Variants in LHFPL3 observed in about 807,000 individuals in gnomAD.
The protein encoded by LHFPL3 is LHFPL tetraspan subfamily member 3 protein.
A neutral mutation model predicts 19.3 loss-of-function variants in LHFPL3; 5 were observed. That is an observed-to-expected ratio of 0.26 (90% CI 0.14 to 0.54). LHFPL3 has a LOEUF of 0.54. LHFPL3 is among the 20% of genes least tolerant of loss of function. The pLI, the probability that LHFPL3 is intolerant of heterozygous loss-of-function variation, is 0.94. For synonymous variants in LHFPL3, 133 were observed against 126.2 expected, an observed-to-expected ratio of 1.05 and a Z score of -0.36; for missense variants, 249 against 307.4, an observed-to-expected ratio of 0.81 and a Z score of 1.42.
intron 1 of LHFPL3, among the ~76,000 whole-genome samples, chr7:104,733,627 A>G (rs540902749): frequency 1.1e-4 from 16 of 152,266 alleles, no homozygotes; most frequent in Admixed American, 2.0e-4. Flanking sequence ...TCTGCACATG[A>G]GATGGGTTTC....
At chr7:104,735,095 G>T (rs1453307469) in intron 1 of LHFPL3, among the ~76,000 whole-genome samples, 1 of 152,200 alleles carries the variant, frequency 6.6e-6, no homozygotes, top group African/African-American at 2.4e-5. Context: ...TCTCAGAGGG[G>T]TACCCCGCCA....
At chr7:104,507,261 T>A (rs796714818) in intron 1 of LHFPL3, among the ~76,000 whole-genome samples, 4 of 148,772 alleles carry the variant, frequency 2.7e-5, no homozygotes, top group African/African-American at 1.0e-4. Flanking sequence ...AAAACAGAGA[T>A]ATAGATCAAT....
intron 1 of LHFPL3, among the ~76,000 whole-genome samples, chr7:104,653,173 G>T (rs1401254985): frequency 6.6e-6 from 1 of 152,180 alleles, no homozygotes; most frequent in Non-Finnish European, 1.5e-5. Context: ...TGCAGTTGGG[G>T]TACATGAAAT....
chr7:104,748,913 G>A lies in LHFPL3; in HGVS notation c.682+12002G>A, dbSNP rs553912941. Among the ~76,000 whole-genome samples, 88 of 152,264 alleles carry A rather than the reference G, an allele frequency of 5.8e-4. 1 individual carries two copies. The highest frequency in any genetic ancestry group is 1.9e-3 in the African/African-American group (78 of 41,546). The stretch of plus-strand genomic sequence containing the variant: ...ATCTGGCGCCCAACGTGGGGCTAAG[G>A]GATCTATTCTATTTATTTGCGCTGA... On this transcript the variant is annotated intron_variant, in intron 2 of 2. Transcript: ENST00000424859.
chr7:104,754,422 T>C (rs974147263), intron 2 of LHFPL3, among the ~76,000 whole-genome samples: 2 of 152,014 alleles, frequency 1.3e-5, no homozygotes, highest in Non-Finnish European at 2.9e-5. Flanking sequence ...GACAGTGTGG[T>C]ATAGGGGGAA....
intron 1 of LHFPL3, among the ~76,000 whole-genome samples, chr7:104,406,236 TTGTC>T (rs1403576426): frequency 6.6e-6 from 1 of 152,192 alleles, no homozygotes; most frequent in Non-Finnish European, 1.5e-5. Flanking sequence ...ACATTCCTGT[TTGTC>T]TGGAGAACAC....
chr7:104,666,046 TA>T (rs1347287497), intron 1 of LHFPL3, among the ~76,000 whole-genome samples: 2 of 152,342 alleles, frequency 1.3e-5, no homozygotes, highest in Middle Eastern at 3.4e-3. Flanking sequence ...AAATATTTAT[TA>T]ATACATAATA....
At chr7:104,449,810 C>G (rs916416884) in intron 1 of LHFPL3, among the ~76,000 whole-genome samples, 1 of 152,152 alleles carries the variant, frequency 6.6e-6, no homozygotes, top group African/African-American at 2.4e-5. Context: ...TTCTCTCCAG[C>G]TTGTGTCTCT....
At chr7:104,535,025 A>G in intron 1 of LHFPL3, among the ~76,000 whole-genome samples, 1 of 152,190 alleles carries the variant, frequency 6.6e-6, no homozygotes, top group East Asian at 1.9e-4. Flanking sequence ...TGGATTTGCC[A>G]AGAAGCTGTA....
rs199962832 is a variant in LHFPL3 at position 104,452,969 on chromosome 7, C to G, written c.445+123745C>G. Among the ~76,000 whole-genome samples the G allele has an allele frequency of 2.6e-5, 4 of 152,086 alleles. No individual in the cohort carries two copies. The East Asian group carries it at 7.7e-4, about 29-fold the overall frequency. Reference sequence around the variant, plus strand: ...CCTTACTTTGAGTAAATAAGCTGATCCCAGTCATGTAAAAGTCACACAAAT... The same window carrying G: ...CCTTACTTTGAGTAAATAAGCTGATGCCAGTCATGTAAAAGTCACACAAAT... On this transcript the variant is annotated intron_variant, in intron 1 of 2. Transcript: ENST00000424859.
intron 1 of LHFPL3, among the ~76,000 whole-genome samples, chr7:104,427,572 T>A (rs768838699): frequency 6.6e-6 from 1 of 152,222 alleles, no homozygotes; most frequent in Non-Finnish European, 1.5e-5. Flanking sequence ...ATTTAAAAGA[T>A]GCAAACCACA....
At chr7:104,604,475 T>C (rs1403323835) in intron 1 of LHFPL3, among the ~76,000 whole-genome samples, 1 of 152,238 alleles carries the variant, frequency 6.6e-6, no homozygotes, top group East Asian at 1.9e-4. Flanking sequence ...GGCTCCCTTC[T>C]GCTCATCTCC....
chr7:104,782,941 C>T (rs1789841784), intron 2 of LHFPL3, among the ~76,000 whole-genome samples: 1 of 152,252 alleles, frequency 6.6e-6, no homozygotes, highest in Non-Finnish European at 1.5e-5. Context: ...CACAAGTGCG[C>T]ACGCGCGCAC....
chr7:104,476,107 T>C (rs1369188196), intron 1 of LHFPL3, among the ~76,000 whole-genome samples: 1 of 152,218 alleles, frequency 6.6e-6, no homozygotes, highest in Non-Finnish European at 1.5e-5. Flanking sequence ...GAAGCATTTG[T>C]TCATTGACAG....
intron 1 of LHFPL3, among the ~76,000 whole-genome samples, chr7:104,588,558 C>T (rs1041753873): frequency 6.6e-6 from 1 of 152,130 alleles, no homozygotes; most frequent in South Asian, 2.1e-4. Context: ...CATGATGCCT[C>T]CAGTTTTGTT....
chr7:104,851,958 C>T (rs552816978), intron 2 of LHFPL3, among the ~76,000 whole-genome samples: 3 of 152,156 alleles, frequency 2.0e-5, no homozygotes, highest in East Asian at 3.9e-4. Context: ...CCTTCCTCCT[C>T]CCTTCTGTCT....
At chr7:104,395,477 A>G (rs1398629901) in intron 1 of LHFPL3, among the ~76,000 whole-genome samples, 1 of 152,226 alleles carries the variant, frequency 6.6e-6, no homozygotes, top group Non-Finnish European at 1.5e-5. Flanking sequence ...TGAAATTGGC[A>G]GCCAGTTTCT....
intron 1 of LHFPL3, among the ~76,000 whole-genome samples, chr7:104,389,627 A>G (rs1197890546): frequency 1.3e-5 from 2 of 152,212 alleles, no homozygotes; most frequent in African/African-American, 4.8e-5. Flanking sequence ...ACAAAGCTAC[A>G]TTATTTAAGA....
In LHFPL3 at chr7:104,559,013, G is replaced by A. The variant is rs1269954665; in HGVS notation, c.446-177662G>A. On this transcript the variant is annotated intron_variant, in intron 1 of 2. Coordinates refer to ENST00000424859, the MANE Select transcript of LHFPL3 (RefSeq NM_199000.3). ...GTAGATATGTGGCGTTATTTCTGAG[G>A]GCTCTGTTCTGTTCCATTGATCTAT... Among the ~76,000 whole-genome samples the A allele has an allele frequency of 1.8e-4, 26 of 148,046 alleles. No individual in the cohort carries two copies. The East Asian group carries it at 2.0e-3, about 11-fold the overall frequency.
Sources: gnomAD v4.1 joint callset for allele counts (sites outside exome capture counted in the v4.1 genomes callset) on GRCh38, gnomAD v4.1.1 for gene constraint, MANE v1.5 for transcripts, NCBI Gene and HGNC (gene_info 2026-07-23, HGNC 2026-07-21) for gene names.